The following CSNK1G1 variants were observed in gnomAD, a reference collection of about 807,000 sequenced individuals.
The protein encoded by CSNK1G1 is casein kinase 1 gamma 1, also known as casein kinase I isoform gamma-1.
In CSNK1G1, 22 loss-of-function variants were observed where a neutral mutation model predicts 59.6. That is an observed-to-expected ratio of 0.37 (90% CI 0.26 to 0.53). The LOEUF is 0.53. CSNK1G1 is among the 20% of genes least tolerant of loss of function. CSNK1G1 has a pLI of 0.89. For synonymous variants in CSNK1G1, 179 were observed against 177.1 expected (o/e 1.01, Z -0.08); for missense variants, 384 against 519.5 (o/e 0.74, Z 2.54).
chr15:64,196,505 G>A (rs370301563), intron 10 of CSNK1G1, among the ~76,000 whole-genome samples: 15 of 151,578 alleles, frequency 9.9e-5, no homozygotes, highest in African/African-American at 3.6e-4. Context: ...AGGCTGGAGT[G>A]CAATGGCACG....
chr15:64,253,816 G>A (rs553456388), intron 3 of CSNK1G1, among the ~76,000 whole-genome samples: 9 of 152,234 alleles, frequency 5.9e-5, no homozygotes, highest in Admixed American at 2.6e-4. Context: ...CAGTTACAAC[G>A]GACAAATATT....
At chr15:64,253,921 C>A (rs62021604) in intron 3 of CSNK1G1, among the ~76,000 whole-genome samples, 7 of 151,890 alleles carry the variant, frequency 4.6e-5, no homozygotes, top group Non-Finnish European at 1.0e-4. Flanking sequence ...GGGTGGATTG[C>A]CTGAGCTCAG....
intron 1 of CSNK1G1, among the ~76,000 whole-genome samples, chr15:64,345,410 G>A (rs752132537): frequency 6.6e-6 from 1 of 152,174 alleles, no homozygotes; most frequent in African/African-American, 2.4e-5. Flanking sequence ...ACTAGAGAGG[G>A]TGATCAAAAT....
intron 1 of CSNK1G1, among the ~76,000 whole-genome samples, chr15:64,344,548 G>T (rs1022317706): frequency 3.3e-4 from 50 of 152,142 alleles, no homozygotes; most frequent in African/African-American, 1.2e-3. Flanking sequence ...TAACAAATTT[G>T]CTCATAGAAA....
At chr15:64,276,458 T>C (rs1893621631) in intron 2 of CSNK1G1, among the ~76,000 whole-genome samples, 1 of 152,204 alleles carries the variant, frequency 6.6e-6, no homozygotes, top group African/African-American at 2.4e-5. Flanking sequence ...AAATATTTCA[T>C]TATGGGTCTG....
chr15:64,300,219 A>G (rs1463413801), intron 2 of CSNK1G1, 100 bp downstream of exon 2: 1 of 1,184,298 alleles, frequency 8.4e-7, no homozygotes, highest in Non-Finnish European at 1.2e-6. Context: ...TCCTTAAGAA[A>G]AATTTCTTGT....
chr15:64,247,791 G>A (rs1891836113), intron 4 of CSNK1G1, among the ~76,000 whole-genome samples: 1 of 152,128 alleles, frequency 6.6e-6, no homozygotes. Flanking sequence ...CATAGTCCCA[G>A]GACAACAAAA....
intron 1 of CSNK1G1, among the ~76,000 whole-genome samples, chr15:64,308,752 C>A (rs766206215): frequency 6.6e-6 from 1 of 152,000 alleles, no homozygotes; most frequent in Non-Finnish European, 1.5e-5. Flanking sequence ...AAAAAATTAG[C>A]CGGTCGTGGT....
chr15:64,254,432 C>G (rs1233683073), intron 3 of CSNK1G1, among the ~76,000 whole-genome samples: 2 of 151,120 alleles, frequency 1.3e-5, no homozygotes, highest in East Asian at 3.9e-4. Context: ...TGGCTCACCA[C>G]GACCTCTGCC....
At chr15:64,197,945 T>C (rs2082057607) in intron 10 of CSNK1G1, among the ~76,000 whole-genome samples, 1 of 151,986 alleles carries the variant, frequency 6.6e-6, no homozygotes, top group Non-Finnish European at 1.5e-5. Context: ...CATATATTCT[T>C]CTGCTTGGAA....
At position 64,204,595 on chromosome 15, in the gene CSNK1G1, AG is replaced by A; in HGVS notation, c.851-7del. 6.2e-7 allele frequency: 1 copy of A among 1,611,870 alleles called. No individual in the cohort carries two copies. Among genetic ancestry groups the A allele is most frequent in the Non-Finnish European group, 8.5e-7 (1 of 1,179,396 alleles). ...AAGGTAGGTTGCCATCTCCTCTGTT[AG>A]GAAAGAGATGAAAGGCCCTGCTCAT... On this transcript the variant is annotated splice_polypyrimidine_tract_variant and splice_region_variant and intron_variant, in intron 8 of 11. Transcript: ENST00000303052.
intron 3 of CSNK1G1, among the ~76,000 whole-genome samples, chr15:64,254,712 G>A (rs1229994935): frequency 1.3e-5 from 2 of 152,274 alleles, no homozygotes; most frequent in African/African-American, 2.4e-5. Flanking sequence ...TCTCTTATTA[G>A]ATAATATTAT....
Position 64,257,824 on chromosome 15 carries a change from G to C in CSNK1G1, c.222+1377C>G, listed in dbSNP as rs373028094. On this transcript the variant is annotated intron_variant, in intron 3 of 11. Transcript: ENST00000303052. ...CAGGCATGAGCCACTGTGTCTGTTC[G>C]GTTAATCCTCTAATATTCAATCTAA... is the stretch of plus-strand genomic sequence containing the variant. Among the ~76,000 whole-genome samples the C allele has an allele frequency of 7.9e-5, 12 of 152,184 alleles. No individual in the cohort carries two copies. In the South Asian group the frequency reaches 2.5e-3, roughly 32 times the overall value.
At chr15:64,180,527 C>G (rs1038464710) in intron 10 of CSNK1G1, 73 bp from the exon 11 acceptor site, 25 of 1,199,546 alleles carry the variant, frequency 2.1e-5, no homozygotes, top group Non-Finnish European at 3.0e-5. Context: ...CAGACAGGGT[C>G]GCTAAACAGG....
At chr15:64,346,113 T>G (rs917942097) in intron 1 of CSNK1G1, among the ~76,000 whole-genome samples, 15 of 151,996 alleles carry the variant, frequency 9.9e-5, no homozygotes, top group Non-Finnish European at 1.9e-4. Context: ...TGGTCACGAC[T>G]GGATGCAGTG....
At chr15:64,202,008 C>T (rs984664235) in intron 10 of CSNK1G1, among the ~76,000 whole-genome samples, 6 of 151,996 alleles carry the variant, frequency 3.9e-5, no homozygotes, top group African/African-American at 1.4e-4. Context: ...ATTTACTTCC[C>T]AAATACATAA....
At chr15:64,186,908 C>A (rs897552921) in intron 10 of CSNK1G1, among the ~76,000 whole-genome samples, 2 of 152,106 alleles carry the variant, frequency 1.3e-5, no homozygotes, top group Non-Finnish European at 2.9e-5. Flanking sequence ...ACTGCAACCT[C>A]TGCCTCCCAG....
chr15:64,308,865 C>A (rs932079910), intron 1 of CSNK1G1, among the ~76,000 whole-genome samples: 7 of 149,960 alleles, frequency 4.7e-5, no homozygotes, highest in African/African-American at 1.7e-4. Context: ...CCACTGCACT[C>A]CAGCCTGGGC....
intron 4 of CSNK1G1, among the ~76,000 whole-genome samples, chr15:64,249,745 G>A (rs1891970893): frequency 6.6e-6 from 1 of 152,168 alleles, no homozygotes; most frequent in Non-Finnish European, 1.5e-5. Context: ...CGCTTTCAGT[G>A]CACAGAGAAT....
Sources: gnomAD v4.1 joint callset for allele counts (sites outside exome capture counted in the v4.1 genomes callset) on GRCh38, gnomAD v4.1.1 for gene constraint, MANE v1.5 for transcripts, NCBI Gene and HGNC (gene_info 2026-07-23, HGNC 2026-07-21) for gene names.